Variants in STX17 observed in about 807,000 individuals in gnomAD.
The protein encoded by STX17 is syntaxin 17, also known as syntaxin-17.
In STX17, 29 loss-of-function variants were observed where a neutral mutation model predicts 35.9. The observed-to-expected ratio is 0.81, with a 90% CI of 0.60 to 1.10. The LOEUF (loss-of-function observed/expected upper bound fraction) is 1.10. STX17 is among the 50% of genes least tolerant of loss of function. The pLI is 0.00. For missense variants in STX17, 312 were observed against 352.3 expected, an observed-to-expected ratio of 0.89 and a Z score of 0.92; for synonymous variants, 92 against 118.3, an observed-to-expected ratio of 0.78 and a Z score of 1.44.
intron 3 of STX17, among the ~76,000 whole-genome samples, chr9:99,948,044 T>A (rs1257380755): frequency 6.6e-6 from 1 of 152,058 alleles, no homozygotes. Context: ...TCACCTAGCC[T>A]GCTGTTTTCA....
At position 99,928,790 on chromosome 9, in the gene STX17, A is replaced by C; in HGVS notation, c.136A>C (p.Arg46=). The part of the protein sequence containing the change: ...QINIEKYQRC[R]IWDKLHEEHI... ...TTCTTTTATATAGTATCAAAGGTGCAGAATCTGGGACAAGTTGCATGAAGA... is the reference window on the plus strand; with the variant it reads ...TTCTTTTATATAGTATCAAAGGTGCCGAATCTGGGACAAGTTGCATGAAGA... The change falls in exon 3 of 8, where the codon AGA becomes CGA. Residue 46 remains arginine, a synonymous_variant. Coordinates refer to ENST00000259400, the MANE Select transcript of STX17 (RefSeq NM_017919.3). 1 of 1,613,594 alleles carries C rather than the reference A, an allele frequency of 6.2e-7. No individual in the cohort carries two copies. Among genetic ancestry groups the C allele is most frequent in the Non-Finnish European group, 8.5e-7 (1 of 1,179,656 alleles).
Position 99,970,716 on chromosome 9 carries a change from A to C in STX17, c.*2043A>C, listed in dbSNP as rs1361706844. 6.6e-6 allele frequency among the ~76,000 whole-genome samples: 1 copy of C among 152,180 alleles called. No homozygotes were observed. Among genetic ancestry groups the C allele is most frequent in the African/African-American group, 2.4e-5 (1 of 41,438 alleles). On this transcript the variant is annotated 3_prime_UTR_variant, in exon 8 of 8. Transcript: ENST00000259400. The stretch of plus-strand genomic sequence containing the variant: ...TTAATTCTGAAACTCCCAGTATTCT[A>C]CCCTTCTTCATCACTGCATATTACC...
chr9:99,915,107 A>G (rs1003531564), intron 1 of STX17, 71 bp from the exon 2 acceptor site: 1 of 1,049,036 alleles, frequency 9.5e-7, no homozygotes, highest in Non-Finnish European at 1.3e-6. Context: ...AAATTGTAAA[A>G]CTAATCGTTG....
At chr9:99,915,136 A>G (rs1828741692) in intron 1 of STX17, 42 bp from the exon 2 acceptor site, 1 of 1,299,130 alleles carries the variant, frequency 7.7e-7, no homozygotes, top group African/African-American at 1.5e-5. Context: ...AAATAGTGGA[A>G]ACAGATTTGA....
Position 99,913,843 on chromosome 9 carries a change from A to G in STX17, c.-62-1335A>G, listed in dbSNP as rs575294137. ...GTATTGGAGGCAGTCTATATAACCAACACATCAAGATTTTCAACTGTGAAA... is the reference window on the plus strand; with the variant it reads ...GTATTGGAGGCAGTCTATATAACCAGCACATCAAGATTTTCAACTGTGAAA... On this transcript the variant is annotated intron_variant, in intron 1 of 7. Transcript: ENST00000259400. The G allele has an allele frequency of 2.0e-5, 3 of 152,350 alleles. No individual in the cohort carries two copies. The South Asian group carries it at 6.2e-4, about 32-fold the overall frequency. 9.4% of individuals were successfully genotyped at this position (152,350 alleles called of 1,614,324 possible).
rs1358697337 is a variant in STX17 at position 99,969,989 on chromosome 9, T to A, written c.*1316T>A. 6.6e-6 allele frequency: 1 copy of A among 152,656 alleles called. No homozygotes were observed. The highest frequency in any genetic ancestry group is 1.9e-4 in the East Asian group (1 of 5,202). 9.5% of individuals were successfully genotyped at this position (152,656 alleles called of 1,614,324 possible). On this transcript the variant is annotated 3_prime_UTR_variant, in exon 8 of 8. Coordinates refer to ENST00000259400, the MANE Select transcript of STX17 (RefSeq NM_017919.3). ...ATCTCAAACCGCAGAAAGGCTTTAA[T>A]ACTGGAAAAAAAGAATTCAAGACTA...
intron 3 of STX17, among the ~76,000 whole-genome samples, chr9:99,937,647 A>G (rs1449132412): frequency 6.6e-6 from 1 of 152,192 alleles, no homozygotes; most frequent in African/African-American, 2.4e-5. Context: ...TGAACACATG[A>G]AATACAATTG....
chr9:99,957,702 T>C (rs1224313335), intron 4 of STX17, among the ~76,000 whole-genome samples: 1 of 150,888 alleles, frequency 6.6e-6, no homozygotes, highest in Non-Finnish European at 1.5e-5. Flanking sequence ...TTGCCCAGGC[T>C]GGAGTCAGTG....
intron 2 of STX17, among the ~76,000 whole-genome samples, chr9:99,918,531 GCTT>G (rs1413518260): frequency 7.0e-6 from 1 of 143,514 alleles, no homozygotes; most frequent in Non-Finnish European, 1.5e-5. Flanking sequence ...GTTTTCTTCT[GCTT>G]CTTTGTCCTG....
At chr9:99,932,332 A>G (rs1829142613) in intron 3 of STX17, among the ~76,000 whole-genome samples, 1 of 152,176 alleles carries the variant, frequency 6.6e-6, no homozygotes, top group South Asian at 2.1e-4. Context: ...TAGCTTAGAG[A>G]TAATGGAGAT....
At position 99,971,325 on chromosome 9, in the gene STX17, T is replaced by C. The variant is rs1232492753; in HGVS notation, c.*2652T>C. Among the ~76,000 whole-genome samples, 4 of 151,798 alleles carry C rather than the reference T, an allele frequency of 2.6e-5. No homozygotes were observed. The highest frequency in any genetic ancestry group is 5.9e-5 in the Non-Finnish European group (4 of 67,960). On this transcript the variant is annotated 3_prime_UTR_variant, in exon 8 of 8. Transcript: ENST00000259400. ...TTTTAACATAATCTGAGAATTTCTC[T>C]GTAGAGCAGAGACTTTCAAACCTTT... is the stretch of plus-strand genomic sequence containing the variant.
At chr9:99,936,407 A>G (rs1564065595) in intron 3 of STX17, among the ~76,000 whole-genome samples, 1 of 152,132 alleles carries the variant, frequency 6.6e-6, no homozygotes, top group South Asian at 2.1e-4. Flanking sequence ...ATGGTATCTC[A>G]TGAGTTTAAC....
chr9:99,952,281 G>T (rs1327443527), intron 4 of STX17, among the ~76,000 whole-genome samples: 1 of 152,128 alleles, frequency 6.6e-6, no homozygotes, highest in African/African-American at 2.4e-5. Context: ...ATGAAAAAAT[G>T]CTCACCATCA....
chr9:99,948,072 C>T (rs1428723811), intron 3 of STX17, among the ~76,000 whole-genome samples: 1 of 151,774 alleles, frequency 6.6e-6, no homozygotes, highest in Non-Finnish European at 1.5e-5. Flanking sequence ...AAACACCTGA[C>T]TTTATGTTCT....
intron 3 of STX17, among the ~76,000 whole-genome samples, chr9:99,947,585 G>A (rs149142583): frequency 3.7e-4 from 57 of 152,250 alleles, no homozygotes; most frequent in Middle Eastern, 3.4e-3. Flanking sequence ...CTTCTAAGCC[G>A]CTGGGGGCAC....
At position 99,971,041 on chromosome 9, in the gene STX17, T is replaced by G. The variant is rs2118561633; in HGVS notation, c.*2368T>G. On this transcript the variant is annotated 3_prime_UTR_variant, in exon 8 of 8. Coordinates refer to ENST00000259400, the MANE Select transcript of STX17 (RefSeq NM_017919.3). ...TATCTCATTTCCCTATAATGGAACC[T>G]AATAGCCAACTTTTTCATAGAAATT... Among the ~76,000 whole-genome samples the G allele has an allele frequency of 6.6e-6, 1 of 152,350 alleles. No homozygotes were observed. Among genetic ancestry groups the G allele is most frequent in the African/African-American group, 2.4e-5 (1 of 41,578 alleles).
intron 1 of STX17, among the ~76,000 whole-genome samples, chr9:99,911,209 G>A (rs1390568090): frequency 2.0e-5 from 3 of 151,906 alleles, no homozygotes; most frequent in Non-Finnish European, 4.4e-5. Flanking sequence ...CTAATTTTTT[G>A]TATTTTTTAG....
intron 2 of STX17, among the ~76,000 whole-genome samples, chr9:99,925,933 C>A (rs1051723415): frequency 3.3e-5 from 5 of 151,816 alleles, no homozygotes; most frequent in Non-Finnish European, 7.4e-5. Flanking sequence ...AATTATTTTT[C>A]TCTCATGGAG....
At chr9:99,908,137 G>C (rs77593106) in intron 1 of STX17, among the ~76,000 whole-genome samples, 1 of 152,192 alleles carries the variant, frequency 6.6e-6, no homozygotes, top group South Asian at 2.1e-4. Flanking sequence ...CATCATATGA[G>C]CATAGCTGAT....
Sources: gnomAD v4.1 joint callset for allele counts (sites outside exome capture counted in the v4.1 genomes callset) on GRCh38, gnomAD v4.1.1 for gene constraint, MANE v1.5 for transcripts, NCBI Gene and HGNC (gene_info 2026-07-23, HGNC 2026-07-21) for gene names.